Variants in RABGAP1 observed in about 807,000 individuals in gnomAD.
The protein encoded by RABGAP1 is rab GTPase-activating protein 1.
Under a neutral mutation model 137.6 loss-of-function variants are expected in RABGAP1, and 23 were observed. The observed-to-expected ratio is 0.17, with a 90% confidence interval of 0.12 to 0.24. The LOEUF (loss-of-function observed/expected upper bound fraction) is 0.24. Ranked by LOEUF, RABGAP1 falls within the 10% of genes least tolerant of loss-of-function variation. The pLI is 1.00. For missense variants in RABGAP1, 906 were observed against 1,275.8 expected (o/e 0.71, Z 4.42); for synonymous variants, 451 against 450.7 (o/e 1.00, Z -0.01).
rs763726318 is a variant in RABGAP1, at chr9:122,998,680, G to A, written c.1288G>A (p.Val430Ile). The change falls in exon 10 of 26, where the codon GTC (valine) becomes ATC (isoleucine). Residue 430 changes from valine to isoleucine, a missense_variant. By Grantham distance (29) the Val-to-Ile change is conservative (BLOSUM62 3). Coordinates refer to ENST00000373647, the MANE Select transcript of RABGAP1 (RefSeq NM_012197.4). ...TGTTCGATTTCTCCTGGAGACAAAA[G>A]TCCGCGTTTGCTCACCTAATGAAAG... is the stretch of plus-strand genomic sequence containing the variant. ...EPVRFLLETK[V>I]RVCSPNERLF... The A allele has an allele frequency of 6.2e-7, 1 of 1,612,296 alleles. No homozygotes were observed. The highest frequency in any genetic ancestry group is 1.7e-5 in the Admixed American group (1 of 59,994).
At chr9:122,944,921 A>G (rs1030671759) in intron 1 of RABGAP1, among the ~76,000 whole-genome samples, 1 of 151,984 alleles carries the variant, frequency 6.6e-6, no homozygotes, top group Non-Finnish European at 1.5e-5. Context: ...GATCGTTCCT[A>G]TAGTTTGTTA....
chr9:123,024,135 A>G (rs987606733), intron 13 of RABGAP1, among the ~76,000 whole-genome samples: 4 of 152,224 alleles, frequency 2.6e-5, no homozygotes, highest in Admixed American at 2.0e-4. Flanking sequence ...TCTTATTTCA[A>G]TAAGCAATGG....
intron 2 of RABGAP1, among the ~76,000 whole-genome samples, chr9:122,964,441 A>G (rs1341409718): frequency 1.3e-5 from 2 of 152,238 alleles, no homozygotes; most frequent in African/African-American, 4.8e-5. Context: ...AATACACCGT[A>G]TCTATAGAAT....
intron 1 of RABGAP1, among the ~76,000 whole-genome samples, chr9:122,947,445 ATTGT>A (rs1231035739): frequency 3.3e-5 from 5 of 152,224 alleles, no homozygotes; most frequent in Non-Finnish European, 7.4e-5. Flanking sequence ...ATGACACAAA[ATTGT>A]ACACTTCCGT....
chr9:123,035,077 C>T, intron 13 of RABGAP1: 2 of 1,614,122 alleles, frequency 1.2e-6, no homozygotes, highest in Non-Finnish European at 1.7e-6. Flanking sequence ...CTGGGGCAAA[C>T]CTGGATATCA....
rs370285160 is a variant in RABGAP1, at chr9:123,039,978, T to C, written c.1794+19519T>C. On this transcript the variant is annotated intron_variant, in intron 13 of 25. Coordinates refer to ENST00000373647, the MANE Select transcript of RABGAP1 (RefSeq NM_012197.4). ...TGATACTGCCATAGGGTATGGAAAA[T>C]TGTATTATGTAAGAGCAGTGGCTTT... Among the ~76,000 whole-genome samples the C allele has an allele frequency of 2.6e-4, 40 of 152,188 alleles. 1 individual carries two copies. The South Asian group carries it at 7.7e-3, about 29-fold the overall frequency.
chr9:122,951,999 C>T (rs553133649), intron 1 of RABGAP1, among the ~76,000 whole-genome samples: 6 of 152,176 alleles, frequency 3.9e-5, no homozygotes, highest in Admixed American at 6.5e-5. Flanking sequence ...TTTTGGTATA[C>T]GGGACTAATT....
At chr9:123,079,315 C>A (rs1351010194) in intron 19 of RABGAP1, among the ~76,000 whole-genome samples, 3 of 151,046 alleles carry the variant, frequency 2.0e-5, no homozygotes, top group Admixed American at 1.3e-4. Flanking sequence ...TCTCAGCTCA[C>A]TGCAACCTCC....
chr9:122,946,255 C>G (rs1833945036), intron 1 of RABGAP1, among the ~76,000 whole-genome samples: 1 of 152,102 alleles, frequency 6.6e-6, no homozygotes, highest in Non-Finnish European at 1.5e-5. Context: ...CTGCATTTAT[C>G]TTAGACTTTG....
At chr9:123,102,213 T>G (rs1971692) in intron 25 of RABGAP1, among the ~76,000 whole-genome samples, 19,824 of 152,154 alleles carry the variant, frequency 0.13, 4,223 homozygotes, top group African/African-American at 0.45. Context: ...CAAGCTTTTG[T>G]TCTTCCAGTT....
intron 19 of RABGAP1, 67 bp from the exon 20 acceptor site, chr9:123,089,691 A>C: frequency 7.9e-7 from 1 of 1,267,326 alleles, no homozygotes; most frequent in Non-Finnish European, 1.1e-6. Context: ...CTTGGTCTTC[A>C]GTGCAGGCAC....
At chr9:122,945,750 C>T (rs1395826088) in intron 1 of RABGAP1, among the ~76,000 whole-genome samples, 2 of 152,146 alleles carry the variant, frequency 1.3e-5, no homozygotes, top group Non-Finnish European at 2.9e-5. Context: ...CTAAATCTGG[C>T]ATTTCTGAAG....
chr9:123,063,719 A>G (rs988619711), intron 13 of RABGAP1, among the ~76,000 whole-genome samples: 1 of 152,230 alleles, frequency 6.6e-6, no homozygotes, highest in Non-Finnish European at 1.5e-5. Flanking sequence ...TTCCCACTTT[A>G]AAAAATTAAT....
chr9:123,022,865 A>G (rs1014088473), intron 13 of RABGAP1, among the ~76,000 whole-genome samples: 2 of 152,154 alleles, frequency 1.3e-5, no homozygotes, highest in African/African-American at 4.8e-5. Flanking sequence ...TGGAATTAAG[A>G]GTTATCATTG....
At position 122,997,318 on chromosome 9, in the gene RABGAP1, A is replaced by C. The variant is rs371438041; in HGVS notation, c.1161A>C (p.Pro387=). 6.8e-6 allele frequency: 11 copies of C among 1,611,230 alleles called. No homozygotes were observed. Among genetic ancestry groups the C allele is most frequent in the Non-Finnish European group, 8.5e-6 (10 of 1,178,648 alleles). ...KSYVITGSWN[P]KSPHFQVVNE... ...ATGTTATTACGGGGAGCTGGAATCC[A>C]AAATCCCCACATTTTCAAGTTGTAA... Residue 387 remains proline (P), a synonymous_variant, in exon 9 of 26, where the codon CCA becomes CCC. Transcript: ENST00000373647.
chr9:123,057,178 G>A (rs1450524888), intron 13 of RABGAP1, among the ~76,000 whole-genome samples: 31 of 151,720 alleles, frequency 2.0e-4, no homozygotes, highest in Non-Finnish European at 4.0e-4. Flanking sequence ...CTCCCGGACA[G>A]GGTGGCTGCC....
chr9:123,016,200 A>G (rs1356248937), intron 12 of RABGAP1, among the ~76,000 whole-genome samples: 1 of 152,218 alleles, frequency 6.6e-6, no homozygotes, highest in Non-Finnish European at 1.5e-5. Context: ...CCTATAGGCT[A>G]TCTAAAAAGA....
intron 18 of RABGAP1, 59 bp from the exon 19 acceptor site, chr9:123,076,575 C>T (rs1349225399): frequency 6.6e-7 from 1 of 1,526,550 alleles, no homozygotes; most frequent in Non-Finnish European, 8.8e-7. Flanking sequence ...ATATAAAAAA[C>T]TTCTTGTGCA....
intron 11 of RABGAP1, among the ~76,000 whole-genome samples, chr9:123,014,582 G>C (rs540347228): frequency 2.5e-4 from 37 of 150,756 alleles, no homozygotes; most frequent in Non-Finnish European, 4.3e-4. Context: ...CGTATCATTT[G>C]TATTAGTCTG....
Sources: allele counts gnomAD v4.1 joint callset (sites outside exome capture counted in the v4.1 genomes callset), GRCh38; gene constraint gnomAD v4.1.1; transcripts MANE v1.5; gene names NCBI Gene and HGNC (gene_info 2026-07-23, HGNC 2026-07-21).